KCNV2: variants seen among roughly 807,000 people sequenced by gnomAD.
KCNV2 encodes potassium voltage-gated channel modifier subfamily V member 2.
Under a neutral mutation model 37.0 loss-of-function variants are expected in KCNV2, and 65 were observed. The ratio of observed to expected loss-of-function variants is 1.76; its 90% CI spans 1.44 to 2.16. The LOEUF is 2.16. Ranked by LOEUF, KCNV2 falls within the 30% of genes most tolerant of loss-of-function variation. The pLI is 0.00. For missense variants in KCNV2, 1,232 were observed against 766.7 expected (o/e 1.61, Z -7.17); for synonymous variants, 518 against 328.6 (o/e 1.58, Z -6.23).
chr9:2,717,625 C>A lies in KCNV2; in HGVS notation c.-115C>A. ...GAGCCCCTAGCTGTGCTGGTCCGGG[C>A]TGGCCTCTCTAAGACAGTGCAGGCC... On this transcript the variant is annotated 5_prime_UTR_variant, in exon 1 of 2. The change creates a new upstream start codon in the 5' untranslated region. Transcript: ENST00000382082. 7.4e-7 allele frequency: 1 copy of A among 1,343,388 alleles called. No individual in the cohort carries two copies. Among genetic ancestry groups the A allele is most frequent in the Non-Finnish European group, 1.1e-6 (1 of 945,980 alleles). The allele number at this position is 1,343,388 out of a possible 1,614,324, so 83.2% of individuals were successfully genotyped here.
In KCNV2 at chr9:2,717,885, G is replaced by A. The variant is rs746448587; in HGVS notation, c.146G>A (p.Gly49Asp). Residue 49 changes from glycine to aspartate, a missense_variant, in exon 1 of 2, where the codon GGC (glycine) becomes GAC (aspartate). Physicochemically the swap from Gly to Asp is moderately conservative, Grantham distance 94. Transcript: ENST00000382082. Reference protein sequence around the residue: ...SQASIHGWTEGNYNYYIEEDE... With the variant: ...SQASIHGWTEDNYNYYIEEDE... ...GCCAGCATCCACGGCTGGACAGAGG[G>A]CAACTATAACTACTACATCGAGGAA... The A allele has an allele frequency of 1.2e-5, 20 of 1,614,092 alleles. No homozygotes were observed. In the African/African-American group the frequency reaches 1.3e-4, roughly 11 times the overall value.
At position 2,719,186 on chromosome 9, in the gene KCNV2, C is replaced by T; in HGVS notation, c.1356+91C>T. On this transcript the variant is annotated intron_variant, in intron 1 of 1. Transcript: ENST00000382082. The stretch of plus-strand genomic sequence containing the variant: ...CTGGTTATCAGCCACCAGGCTTTGG[C>T]TTCTGATCCTCGTCTTCCCCCCCAC... 5 of 1,438,296 alleles carry T rather than the reference C, an allele frequency of 3.5e-6. No homozygotes were observed. In the Admixed American group the frequency reaches 7.3e-5, roughly 21 times the overall value. The allele number at this position is 1,438,296 out of a possible 1,614,324, so 89.1% of individuals were successfully genotyped here. A position where few individuals can be genotyped will look rare whatever the true frequency, so the allele number is the denominator to read the frequency against.
chr9:2,724,337 T>C (rs1053707263), intron 1 of KCNV2, among the ~76,000 whole-genome samples: 14 of 152,162 alleles, frequency 9.2e-5, no homozygotes, highest in Non-Finnish European at 1.2e-4. Context: ...TTGATTGCTT[T>C]GAGGAAACCC....
chr9:2,728,907 A>G (rs548234852), intron 1 of KCNV2, among the ~76,000 whole-genome samples: 7 of 148,808 alleles, frequency 4.7e-5, no homozygotes, highest in African/African-American at 1.8e-4. Flanking sequence ...GAAAAAAAGA[A>G]AAAGAGAGAG....
At chr9:2,721,079 T>C (rs1327795262) in intron 1 of KCNV2, among the ~76,000 whole-genome samples, 1 of 152,214 alleles carries the variant, frequency 6.6e-6, no homozygotes, top group African/African-American at 2.4e-5. Context: ...TTTTTGCCAA[T>C]CATAAATGTT....
chr9:2,723,749 C>T (rs1819920997), intron 1 of KCNV2, among the ~76,000 whole-genome samples: 1 of 152,160 alleles, frequency 6.6e-6, no homozygotes, highest in Non-Finnish European at 1.5e-5. Flanking sequence ...AAGAAAGAAC[C>T]TATAAAACAT....
chr9:2,718,720 G>T lies in KCNV2; in HGVS notation c.981G>T (p.Leu327=). The T allele has an allele frequency of 6.2e-7, 1 of 1,612,818 alleles. No homozygotes were observed. Among genetic ancestry groups the T allele is most frequent in the Non-Finnish European group, 8.5e-7 (1 of 1,179,840 alleles). Residue 327 remains leucine (L), a synonymous_variant, in exon 1 of 2, where the codon CTG becomes CTT. Transcript: ENST00000382082. ...TGCGCCTAGCCTCCACGCCCGACCT[G>T]AGGCGCTTCGCGCGCAGCGCCCTCA... is the stretch of plus-strand genomic sequence containing the variant. ...YLLRLASTPD[L]RRFARSALNL...
At chr9:2,724,305 G>GA (rs974127609) in intron 1 of KCNV2, among the ~76,000 whole-genome samples, 1 of 152,128 alleles carries the variant, frequency 6.6e-6, no homozygotes, top group Non-Finnish European at 1.5e-5. Context: ...CAAGATCACT[G>GA]AAATTATTTT....
chr9:2,718,524 T>C lies in KCNV2; in HGVS notation c.785T>C (p.Ile262Thr), dbSNP rs758877052. The change falls in exon 1 of 2, where the codon ATC becomes ACC. Residue 262 changes from isoleucine to threonine, a missense_variant. Transcript: ENST00000382082. ...TTCTCCTCGGTGGCCGCCAAGGCCATCGGGGTGGCCTCCAGCACCTTCGTG... is the reference window on the plus strand; with the variant it reads ...TTCTCCTCGGTGGCCGCCAAGGCCACCGGGGTGGCCTCCAGCACCTTCGTG... The part of the protein sequence containing the change: ...KPFSSVAAKA[I>T]GVASSTFVLV... 1 of 1,611,218 alleles carries C rather than the reference T, an allele frequency of 6.2e-7. No individual in the cohort carries two copies. The highest frequency in any genetic ancestry group is 1.1e-5 in the South Asian group (1 of 90,742).
rs1819797791 is a variant in KCNV2, at chr9:2,718,719, TGAGGCGCTTCGCGCGCAGC to T, written c.982_1000del (p.Arg328ProfsTer120). On this transcript the variant is annotated frameshift_variant, in exon 1 of 2. Coordinates refer to ENST00000382082, the MANE Select transcript of KCNV2 (RefSeq NM_133497.4). LOFTEE classifies it high-confidence loss of function. The stretch of plus-strand genomic sequence containing the variant: ...CTGCGCCTAGCCTCCACGCCCGACC[TGAGGCGCTTCGCGCGCAGC>T]GCCCTCAACCTGGTGGACCTGGTGG... 6.2e-7 allele frequency: 1 copy of T among 1,612,946 alleles called. No homozygotes were observed. Among genetic ancestry groups the T allele is most frequent in the Non-Finnish European group, 8.5e-7 (1 of 1,179,858 alleles).
chr9:2,720,014 T>TA (rs1286237134), intron 1 of KCNV2, among the ~76,000 whole-genome samples: 1 of 152,274 alleles, frequency 6.6e-6, no homozygotes, highest in East Asian at 1.9e-4. Flanking sequence ...GATCGATGAA[T>TA]AAGTCGGCAT....
chr9:2,718,710 C>G lies in KCNV2; in HGVS notation c.971C>G (p.Thr324Arg). 3.1e-6 allele frequency: 5 copies of G among 1,613,124 alleles called. No homozygotes were observed. The highest frequency in any genetic ancestry group is 3.4e-6 in the Non-Finnish European group (4 of 1,179,864). Residue 324 changes from threonine (T) to arginine (R), a missense_variant, in exon 1 of 2, where the codon ACG (threonine) becomes AGG (arginine). Thr to Arg is a moderately conservative substitution (Grantham distance 71, BLOSUM62 -1). Transcript: ENST00000382082. ...TLEYLLRLAS[T>R]PDLRRFARSA... Reference sequence around the variant, plus strand: ...GAGTACCTGCTGCGCCTAGCCTCCACGCCCGACCTGAGGCGCTTCGCGCGC... The same window carrying G: ...GAGTACCTGCTGCGCCTAGCCTCCAGGCCCGACCTGAGGCGCTTCGCGCGC...
rs376306786 is a variant in KCNV2, at chr9:2,719,042, G to C, written c.1303G>C (p.Asp435His). The C allele has an allele frequency of 2.5e-6, 4 of 1,612,502 alleles. No individual in the cohort carries two copies. In the African/African-American group the frequency reaches 4.0e-5, roughly 16 times the overall value. ...TGCGGCTGTCTACTCTGTGGAGCAC[G>C]ATGTGCCCAGCACCAACTTCACTAC... ...FSAAVYSVEH[D>H]VPSTNFTTIP... Residue 435 changes from aspartate to histidine, a missense_variant, in exon 1 of 2, where the codon GAT becomes CAT. Transcript: ENST00000382082.
chr9:2,722,294 T>C (rs920530897), intron 1 of KCNV2, among the ~76,000 whole-genome samples: 2 of 129,856 alleles, frequency 1.5e-5, no homozygotes, highest in African/African-American at 3.4e-5. Flanking sequence ...TTAGAAGTTA[T>C]TTATAAATTA....
chr9:2,718,453 C>A lies in KCNV2; in HGVS notation c.714C>A (p.Phe238Leu), dbSNP rs574636120. ...EAEELFRDMR[F>L]YGPQRRRLWN... ...AGGAACTCTTCCGCGACATGCGCTT[C>A]TACGGCCCGCAGCGGCGCCGCCTCT... is the stretch of plus-strand genomic sequence containing the variant. The change falls in exon 1 of 2, where the codon TTC becomes TTA. Residue 238 changes from phenylalanine (F) to leucine (L), a missense_variant. Transcript: ENST00000382082. 6.2e-7 allele frequency: 1 copy of A among 1,607,890 alleles called. No individual in the cohort carries two copies. Among genetic ancestry groups the A allele is most frequent in the Non-Finnish European group, 8.5e-7 (1 of 1,177,892 alleles).
intron 1 of KCNV2, among the ~76,000 whole-genome samples, chr9:2,724,047 T>G (rs950065999): frequency 6.7e-6 from 1 of 150,162 alleles, no homozygotes; most frequent in Admixed American, 6.7e-5. Flanking sequence ...GTGGAGGGCA[T>G]GGGTATGTTT....
rs542234113 is a variant in KCNV2, at chr9:2,717,624, G to A, written c.-116G>A. The A allele has an allele frequency of 2.2e-5, 30 of 1,334,956 alleles. No homozygotes were observed. The South Asian group carries it at 3.1e-4, about 14-fold the overall frequency. The allele number at this position is 1,334,956 out of a possible 1,614,324, so 82.7% of individuals were successfully genotyped here. On this transcript the variant is annotated 5_prime_UTR_variant, in exon 1 of 2. Coordinates refer to ENST00000382082, the MANE Select transcript of KCNV2 (RefSeq NM_133497.4). The stretch of plus-strand genomic sequence containing the variant: ...TGAGCCCCTAGCTGTGCTGGTCCGG[G>A]CTGGCCTCTCTAAGACAGTGCAGGC...
intron 1 of KCNV2, among the ~76,000 whole-genome samples, chr9:2,727,208 G>T (rs1819982462): frequency 6.6e-6 from 1 of 151,022 alleles, no homozygotes; most frequent in Non-Finnish European, 1.5e-5. Flanking sequence ...GGGGTTCTTT[G>T]ACTTTTGGTG....
In KCNV2 at chr9:2,718,354, G is replaced by A. The variant is rs777604386; in HGVS notation, c.615G>A (p.Glu205=). ...TPRCCRICFE[E]RRDELSERLK... is the part of the protein sequence containing the mutation. ...GCTGCTGCCGCATCTGCTTCGAGGA[G>A]CGGCGCGACGAGCTGAGCGAACGGC... The change falls in exon 1 of 2, where the codon GAG becomes GAA. Residue 205 remains glutamate, a synonymous_variant. Transcript: ENST00000382082. The A allele has an allele frequency of 3.8e-6, 6 of 1,599,546 alleles. No individual in the cohort carries two copies. The African/African-American group carries it at 6.7e-5, about 18-fold the overall frequency.
Sources: gnomAD v4.1 joint callset for allele counts (sites outside exome capture counted in the v4.1 genomes callset) on GRCh38, gnomAD v4.1.1 for gene constraint, MANE v1.5 for transcripts, NCBI Gene and HGNC (gene_info 2026-07-23, HGNC 2026-07-21) for gene names.